GTPBP2: variants seen among roughly 807,000 people sequenced by gnomAD.
The protein encoded by GTPBP2 is GTP-binding protein 2.
In GTPBP2, 32 loss-of-function variants were observed where a neutral mutation model predicts 63.0. That is an observed-to-expected ratio of 0.51 (90% CI 0.38 to 0.68). The LOEUF is 0.68. Among genes scored for constraint, GTPBP2 ranks in the 30% least tolerant of loss-of-function variants. GTPBP2 has a pLI of 0.00. For missense variants in GTPBP2, 492 were observed against 796.9 expected, an observed-to-expected ratio of 0.62 and a Z score of 4.61; for synonymous variants, 310 against 322.6, an observed-to-expected ratio of 0.96 and a Z score of 0.42.
In GTPBP2 at chr6:43,626,051, G is replaced by A. The variant is rs1166970635; in HGVS notation, c.398+175C>T. ...ACAAATATACATATCTTAATTCAAG[G>A]AGCAAAACAGCCTAGGTCCAGTGAG... On this transcript the variant is annotated intron_variant, in intron 3 of 11. Coordinates refer to ENST00000307126, the MANE Select transcript of GTPBP2 (RefSeq NM_019096.5). The surrounding 1 kb of genome is among the most constrained non-coding windows in gnomAD (Gnocchi z 4.0). Among the ~76,000 whole-genome samples, 1 of 152,050 alleles carries A rather than the reference G, an allele frequency of 6.6e-6. No homozygotes were observed. The highest frequency in any genetic ancestry group is 1.5e-5 in the Non-Finnish European group (1 of 68,026).
rs915824093 is a variant in GTPBP2, at chr6:43,627,200, ATCCATTCTTTGATC to A, written c.187-266_187-253del. 4 of 862,146 alleles carry A rather than the reference ATCCATTCTTTGATC, an allele frequency of 4.6e-6. No homozygotes were observed. In the African/African-American group the frequency reaches 7.0e-5, roughly 15 times the overall value. The allele number at this position is 862,146 out of a possible 1,614,324, so 53.4% of individuals were successfully genotyped here. ...AAGCCAGGAACAGAACACTGAATCA[ATCCATTCTTTGATC>A]ACTGGCAGCACGTTCTTCCTAGATG... On this transcript the variant is annotated intron_variant, in intron 1 of 11. Transcript: ENST00000307126.
At chr6:43,628,087 G>A (rs1318483538) in intron 1 of GTPBP2, among the ~76,000 whole-genome samples, 2 of 152,230 alleles carry the variant, frequency 1.3e-5, no homozygotes, top group Non-Finnish European at 1.5e-5. Context: ...TTCTAGGCTG[G>A]GCACGGAGGC....
Position 43,626,153 on chromosome 6 carries a change from C to T in GTPBP2, c.398+73G>A. The T allele has an allele frequency of 7.1e-7, 1 of 1,400,188 alleles. No homozygotes were observed. The highest frequency in any genetic ancestry group is 1.2e-5 in the South Asian group (1 of 80,886). The allele number at this position is 1,400,188 out of a possible 1,614,324, so 86.7% of individuals were successfully genotyped here. ...GAAAGTCCCACCTTGGCCCCTCAGG[C>T]CCTAGGTAACTGGGTATGCATGGGT... is the stretch of plus-strand genomic sequence containing the variant. On this transcript the variant is annotated intron_variant, in intron 3 of 11. Coordinates refer to ENST00000307126, the MANE Select transcript of GTPBP2 (RefSeq NM_019096.5). This position sits in a 1 kb window ranked among gnomAD's most constrained non-coding sequence, Gnocchi z 4.0.
In GTPBP2 at chr6:43,626,828, CAA is replaced by C. The variant is rs371391526; in HGVS notation, c.213+92_213+93del. 1.1e-3 allele frequency: 900 copies of C among 822,016 alleles called. No individual in the cohort carries two copies. Among genetic ancestry groups the C allele is most frequent in the South Asian group, 1.7e-3 (84 of 50,900 alleles). 50.9% of individuals were successfully genotyped at this position (822,016 alleles called of 1,614,324 possible). A position where few individuals can be genotyped will look rare whatever the true frequency, so the allele number is the denominator to read the frequency against. ...AGGCAACAAGAGCAAAACTTCATCT[CAA>C]AAAAAAAAAAGAAAGAAAGAAAAAA... On this transcript the variant is annotated intron_variant, in intron 2 of 11. Transcript: ENST00000307126. The surrounding 1 kb of genome is among the most constrained non-coding windows in gnomAD (Gnocchi z 4.0).
In GTPBP2 at chr6:43,620,519, CAATA is replaced by C. The variant is rs1768646125; in HGVS notation, c.*1091_*1094del. Reference sequence around the variant, plus strand: ...TTCAATAAAACATTTTTATTCTGTACAATATATATGTGTATTTAAATATATATAC... The same window carrying C: ...TTCAATAAAACATTTTTATTCTGTACTATATGTGTATTTAAATATATATAC... On this transcript the variant is annotated 3_prime_UTR_variant, in exon 12 of 12. Coordinates refer to ENST00000307126, the MANE Select transcript of GTPBP2 (RefSeq NM_019096.5). 3.6e-6 allele frequency: 1 copy of C among 276,346 alleles called. No homozygotes were observed. The highest frequency in any genetic ancestry group is 7.0e-6 in the Non-Finnish European group (1 of 142,022). The allele number at this position is 276,346 out of a possible 1,614,324, so 17.1% of individuals were successfully genotyped here. A position where few individuals can be genotyped will look rare whatever the true frequency, so the allele number is the denominator to read the frequency against.
At position 43,625,839 on chromosome 6, in the gene GTPBP2, G is replaced by A. The variant is rs778753857; in HGVS notation, c.424C>T (p.Arg142Ter). The A allele has an allele frequency of 2.5e-6, 4 of 1,613,948 alleles. No individual in the cohort carries two copies. The highest frequency in any genetic ancestry group is 2.2e-5 in the South Asian group (2 of 91,076). Residue 142 changes from arginine to a stop codon, truncating the protein, a stop_gained, in exon 4 of 12, where the codon CGA becomes TGA. Coordinates refer to ENST00000307126, the MANE Select transcript of GTPBP2 (RefSeq NM_019096.5). LOFTEE classifies it high-confidence loss of function. This position sits in a 1 kb window ranked among gnomAD's most constrained non-coding sequence, Gnocchi z 5.1. ...EKVGADITVL[R>*]EREVDYDSDM... The stretch of plus-strand genomic sequence containing the variant: ...CTATCATAATCCACTTCTCGCTCTC[G>A]AAGAACGGTTATGTCTGCCCCAACC...
Position 43,622,806 on chromosome 6 carries a change from T to A in GTPBP2, c.1296-2A>T. On this transcript the variant is annotated splice_acceptor_variant, in intron 9 of 11. Transcript: ENST00000307126. LOFTEE classifies it high-confidence loss of function. The surrounding 1 kb of genome is among the most constrained non-coding windows in gnomAD (Gnocchi z 5.4). ...TGGTCCCCCTCACGGCAAATCCCAC[T>A]GCAGCCCAGAGGGCAGGTGGCACAG... 1 of 1,610,890 alleles carries A rather than the reference T, an allele frequency of 6.2e-7. No individual in the cohort carries two copies.
chr6:43,626,080 G>T lies in GTPBP2; in HGVS notation c.398+146C>A. 1.2e-6 allele frequency: 1 copy of T among 808,040 alleles called. No homozygotes were observed. The allele number at this position is 808,040 out of a possible 1,614,324, so 50.1% of individuals were successfully genotyped here. ...AAAACAGCCTAGGTCCAGTGAGGAGGGGACCAAAACACTAACCCTCCCCAC... is the reference window on the plus strand; with the variant it reads ...AAAACAGCCTAGGTCCAGTGAGGAGTGGACCAAAACACTAACCCTCCCCAC... On this transcript the variant is annotated intron_variant, in intron 3 of 11. Transcript: ENST00000307126. The surrounding 1 kb of genome is among the most constrained non-coding windows in gnomAD (Gnocchi z 4.0).
At chr6:43,629,700 A>G (rs1256959091), upstream of GTPBP2, 1 of 1,546,034 alleles carries the variant, frequency 6.5e-7, no homozygotes. Flanking sequence ...AACTGAGGCT[A>G]CTGGTGCCGC....
rs751563625 is a variant in GTPBP2, at chr6:43,629,139, C to T, written c.24G>A (p.Leu8=). ...CTCCGGGCCGGCAGCAGCCGCCGAACAGCTCCGATACCCGCGAGTCCATCC... is the reference window on the plus strand; with the variant it reads ...CTCCGGGCCGGCAGCAGCCGCCGAATAGCTCCGATACCCGCGAGTCCATCC... MDSRVSE[L]FGGCCRPGGG... is the part of the protein sequence containing the mutation. The change falls in exon 1 of 12, where the codon CTG becomes CTA. Residue 8 remains leucine, a synonymous_variant. Transcript: ENST00000307126. The T allele has an allele frequency of 1.3e-6, 2 of 1,513,504 alleles. No homozygotes were observed. Among genetic ancestry groups the T allele is most frequent in the Non-Finnish European group, 1.8e-6 (2 of 1,136,790 alleles). The allele number at this position is 1,513,504 out of a possible 1,614,324, so 93.8% of individuals were successfully genotyped here.
At chr6:43,630,515 T>C (rs1247194985), upstream of GTPBP2, among the ~76,000 whole-genome samples, 4 of 152,136 alleles carry the variant, frequency 2.6e-5, no homozygotes, top group East Asian at 7.7e-4. Flanking sequence ...CCAAGGAGTG[T>C]GCGGATCACC....
Position 43,626,835 on chromosome 6 carries a change from AAAAAAG to A in GTPBP2, c.213+81_213+86del. Reference sequence around the variant, plus strand: ...AAGAGCAAAACTTCATCTCAAAAAAAAAAAAGAAAGAAAGAAAAAAGAAATTATCCC... The same window carrying A: ...AAGAGCAAAACTTCATCTCAAAAAAAAAAGAAAGAAAAAAGAAATTATCCC... On this transcript the variant is annotated intron_variant, in intron 2 of 11. Transcript: ENST00000307126. This position sits in a 1 kb window ranked among gnomAD's most constrained non-coding sequence, Gnocchi z 4.0. The A allele has an allele frequency of 5.3e-6, 6 of 1,135,252 alleles. No individual in the cohort carries two copies. Among genetic ancestry groups the A allele is most frequent in the Non-Finnish European group, 7.7e-6 (6 of 779,312 alleles). 70.3% of individuals were successfully genotyped at this position (1,135,252 alleles called of 1,614,324 possible).
intron 1 of GTPBP2, chr6:43,628,622 C>G (rs2127848304): frequency 1.3e-6 from 1 of 784,408 alleles, no homozygotes; most frequent in East Asian, 1.3e-4. Flanking sequence ...GTGGTGGTTA[C>G]TGTCTGCCTC....
In GTPBP2 at chr6:43,625,190, A is replaced by C; in HGVS notation, c.706-128T>G. On this transcript the variant is annotated intron_variant, in intron 5 of 11. Transcript: ENST00000307126. This position sits in a 1 kb window ranked among gnomAD's most constrained non-coding sequence, Gnocchi z 5.1. ...CTTGACCCCATTTTTTATTTAATTT[A>C]GTTGATTCCCCATTGATTTCCTAAG... 9.5e-7 allele frequency: 1 copy of C among 1,050,092 alleles called. No homozygotes were observed. The highest frequency in any genetic ancestry group is 2.4e-5 in the East Asian group (1 of 42,138). 65.0% of individuals were successfully genotyped at this position (1,050,092 alleles called of 1,614,324 possible). A position where few individuals can be genotyped will look rare whatever the true frequency, so the allele number is the denominator to read the frequency against.
rs569672091 is a variant in GTPBP2 at position 43,628,625 on chromosome 6, T to C, written c.186+352A>G. 7.7e-6 allele frequency: 6 copies of C among 781,534 alleles called. No homozygotes were observed. The Admixed American group carries it at 2.5e-4, about 32-fold the overall frequency. 48.4% of individuals were successfully genotyped at this position (781,534 alleles called of 1,614,324 possible). A position where few individuals can be genotyped will look rare whatever the true frequency, so the allele number is the denominator to read the frequency against. The stretch of plus-strand genomic sequence containing the variant: ...AGTTTAGAAGAAGTGGTGGTTACTG[T>C]CTGCCTCTCGTCCCAGGATGCAGTC... On this transcript the variant is annotated intron_variant, in intron 1 of 11. Transcript: ENST00000307126.
At position 43,626,527 on chromosome 6, in the gene GTPBP2, C is replaced by T; in HGVS notation, c.214-117G>A. 2.7e-6 allele frequency: 2 copies of T among 729,158 alleles called. No individual in the cohort carries two copies. Among genetic ancestry groups the T allele is most frequent in the East Asian group, 2.7e-5 (1 of 37,286 alleles). The allele number at this position is 729,158 out of a possible 1,614,324, so 45.2% of individuals were successfully genotyped here. On this transcript the variant is annotated intron_variant, in intron 2 of 11. Transcript: ENST00000307126. This position sits in a 1 kb window ranked among gnomAD's most constrained non-coding sequence, Gnocchi z 4.0. ...TTTCTCTTTCCACTTAAACTCATAC[C>T]TGATCCCCCTCCAACAGAACGAGGT...
chr6:43,623,652 T>G lies in GTPBP2; in HGVS notation c.1295+85A>C. 3 of 993,640 alleles carry G rather than the reference T, an allele frequency of 3.0e-6. No homozygotes were observed. In the Admixed American group the frequency reaches 5.2e-5, roughly 17 times the overall value. The allele number at this position is 993,640 out of a possible 1,614,324, so 61.6% of individuals were successfully genotyped here. A position where few individuals can be genotyped will look rare whatever the true frequency, so the allele number is the denominator to read the frequency against. On this transcript the variant is annotated intron_variant, in intron 9 of 11. Coordinates refer to ENST00000307126, the MANE Select transcript of GTPBP2 (RefSeq NM_019096.5). ...GTCCTTTAAATGGGTTCCGTTCAAT[T>G]CCAGGGTCTCCTCCTTTGGGCCAGG...
chr6:43,621,106 G>A lies in GTPBP2; in HGVS notation c.*508C>T, dbSNP rs571069932. On this transcript the variant is annotated 3_prime_UTR_variant, in exon 12 of 12. Transcript: ENST00000307126. ...TCACTGTCCCTGTGCCATTTCTTCA[G>A]ACTCTGGGCCGCCACCACCACCAGA... 1 of 309,402 alleles carries A rather than the reference G, an allele frequency of 3.2e-6. No individual in the cohort carries two copies. Among genetic ancestry groups the A allele is most frequent in the Non-Finnish European group, 6.5e-6 (1 of 154,860 alleles). 19.2% of individuals were successfully genotyped at this position (309,402 alleles called of 1,614,324 possible).
Position 43,621,387 on chromosome 6 carries a change from C to G in GTPBP2, c.*227G>C, listed in dbSNP as rs1434795369. 6.6e-7 allele frequency: 1 copy of G among 1,514,014 alleles called. No homozygotes were observed. Among genetic ancestry groups the G allele is most frequent in the South Asian group, 1.2e-5 (1 of 82,878 alleles). 93.8% of individuals were successfully genotyped at this position (1,514,014 alleles called of 1,614,324 possible). On this transcript the variant is annotated 3_prime_UTR_variant, in exon 12 of 12. Coordinates refer to ENST00000307126, the MANE Select transcript of GTPBP2 (RefSeq NM_019096.5). ...TTGATGAGCCAACCAGGTGAGCACACAGCTTCGGAGCACTGCCCTGAATCC... is the reference window on the plus strand; with the variant it reads ...TTGATGAGCCAACCAGGTGAGCACAGAGCTTCGGAGCACTGCCCTGAATCC...
Sources: gnomAD v4.1 joint callset for allele counts (sites outside exome capture counted in the v4.1 genomes callset) on GRCh38, gnomAD v4.1.1 for gene constraint, Gnocchi (gnomAD v3.1) non-coding constraint, MANE v1.5 for transcripts, NCBI Gene and HGNC (gene_info 2026-07-23, HGNC 2026-07-21) for gene names.